NEK11: variants seen among roughly 807,000 people sequenced by gnomAD.
NEK11 encodes the protein serine/threonine-protein kinase Nek11.
In NEK11, 72 loss-of-function variants were observed where a neutral mutation model predicts 80.7. The ratio of observed to expected loss-of-function variants is 0.89; its 90% confidence interval spans 0.74 to 1.08. The LOEUF (loss-of-function observed/expected upper bound fraction) is 1.08, where lower values mean the gene tolerates loss of function less well. Ranked by LOEUF, NEK11 falls within the 50% of genes least tolerant of loss-of-function variation. The pLI is 0.00. For missense variants in NEK11, 764 were observed against 763.6 expected (o/e 1.00, Z -0.01); for synonymous variants, 251 against 260.7 (o/e 0.96, Z 0.36).
At chr3:131,210,855 G>A (rs1011543404) in intron 14 of NEK11, among the ~76,000 whole-genome samples, 4 of 151,940 alleles carry the variant, frequency 2.6e-5, no homozygotes, top group Non-Finnish European at 4.4e-5. Flanking sequence ...TTTATTTTGA[G>A]CCTATGTGTG....
chr3:131,157,984 G>T (rs929538665), intron 10 of NEK11, among the ~76,000 whole-genome samples: 1 of 152,088 alleles, frequency 6.6e-6, no homozygotes, highest in African/African-American at 2.4e-5. Flanking sequence ...TGGCCAGGGA[G>T]ACCATCCCCC....
At chr3:131,159,528 G>C (rs1452944815) in intron 10 of NEK11, among the ~76,000 whole-genome samples, 1 of 152,214 alleles carries the variant, frequency 6.6e-6, no homozygotes, top group African/African-American at 2.4e-5. Context: ...CACTTTGGGA[G>C]GCTGAGGTGG....
rs2092478391 is a variant in NEK11 at position 131,168,947 on chromosome 3, A to G, written c.1284+10A>G. On this transcript the variant is annotated intron_variant, in intron 13 of 17. Transcript: ENST00000383366. ...GCAAGGCAGGGAAGAGGCAAGTTTA[A>G]TCATATTCACAAGCACAAAAGTGAG... 5 of 1,604,658 alleles carry G rather than the reference A, an allele frequency of 3.1e-6. No individual in the cohort carries two copies. Among genetic ancestry groups the G allele is most frequent in the East Asian group, 2.2e-5 (1 of 44,810 alleles).
At chr3:131,080,119 A>G (rs1375644588) in intron 3 of NEK11, among the ~76,000 whole-genome samples, 1 of 151,938 alleles carries the variant, frequency 6.6e-6, no homozygotes, top group Non-Finnish European at 1.5e-5. Context: ...AAGAGAAACC[A>G]AGAGACACTG....
At chr3:131,044,448 G>GT (rs1218186415) in intron 3 of NEK11, among the ~76,000 whole-genome samples, 27 of 31,472 alleles carry the variant, frequency 8.6e-4, no homozygotes, top group Middle Eastern at 0.036. Flanking sequence ...AAAAAAGGTG[G>GT]GGGGGGGGGT....
intron 16 of NEK11, among the ~76,000 whole-genome samples, chr3:131,266,058 A>G (rs965262548): frequency 2.0e-5 from 3 of 152,096 alleles, no homozygotes; most frequent in Non-Finnish European, 4.4e-5. Flanking sequence ...ATCAGTGGTG[A>G]TATCCCCTTT....
At chr3:131,052,316 T>G (rs2068572007) in intron 3 of NEK11, among the ~76,000 whole-genome samples, 2 of 152,134 alleles carry the variant, frequency 1.3e-5, no homozygotes, top group Non-Finnish European at 1.5e-5. Context: ...ATATTAAATC[T>G]TTTCTTATTA....
chr3:131,050,496 A>T (rs118051928), intron 3 of NEK11, among the ~76,000 whole-genome samples: 4 of 152,238 alleles, frequency 2.6e-5, no homozygotes, highest in African/African-American at 9.6e-5. Flanking sequence ...GGAGACTTTT[A>T]TGACACCGTT....
chr3:131,059,146 G>A (rs556591329), intron 3 of NEK11, among the ~76,000 whole-genome samples: 106 of 152,242 alleles, frequency 7.0e-4, no homozygotes, highest in African/African-American at 2.4e-3. Context: ...CAGTCTTCTT[G>A]GTTCCCCTGA....
Position 131,055,170 on chromosome 3 carries a change from C to T in NEK11, c.171-25253C>T, listed in dbSNP as rs139844470. Among the ~76,000 whole-genome samples, 500 of 152,250 alleles carry T rather than the reference C, an allele frequency of 3.3e-3. 1 individual carries two copies. Among genetic ancestry groups the T allele is most frequent in the African/African-American group, 0.011 (475 of 41,534 alleles). On this transcript the variant is annotated intron_variant, in intron 3 of 17. Coordinates refer to ENST00000383366, the MANE Select transcript of NEK11 (RefSeq NM_024800.5). Reference sequence around the variant, plus strand: ...CAGGTCCTGCAGTAAAAAATAGAGACGCGGTTTATATCAGCCAAGTGCTTA... The same window carrying T: ...CAGGTCCTGCAGTAAAAAATAGAGATGCGGTTTATATCAGCCAAGTGCTTA...
intron 16 of NEK11, among the ~76,000 whole-genome samples, chr3:131,244,769 T>A (rs78405567): frequency 0.018 from 2,784 of 152,078 alleles, 41 homozygotes; most frequent in East Asian, 0.083. Flanking sequence ...CCAAATTTTT[T>A]AAAATTCAGC....
At chr3:131,244,098 TA>T (rs1455547655) in intron 16 of NEK11, among the ~76,000 whole-genome samples, 1 of 151,930 alleles carries the variant, frequency 6.6e-6, no homozygotes, top group Non-Finnish European at 1.5e-5. Flanking sequence ...AGGGCTGAGA[TA>T]TTTTTTTCTT....
intron 3 of NEK11, among the ~76,000 whole-genome samples, chr3:131,060,181 T>C (rs1017206747): frequency 1.3e-5 from 2 of 152,178 alleles, no homozygotes; most frequent in Non-Finnish European, 2.9e-5. Flanking sequence ...ATGTATGACA[T>C]AGTTCAGTAG....
intron 14 of NEK11, among the ~76,000 whole-genome samples, chr3:131,185,692 C>G (rs1458666991): frequency 1.3e-5 from 2 of 152,146 alleles, no homozygotes; most frequent in South Asian, 2.1e-4. Flanking sequence ...ATTCCATATG[C>G]TTGAGATGGT....
intron 3 of NEK11, among the ~76,000 whole-genome samples, chr3:131,033,022 C>T (rs534161964): frequency 6.6e-6 from 1 of 152,254 alleles, no homozygotes; most frequent in South Asian, 2.1e-4. Context: ...ATTTAAAAAA[C>T]TTATTCAAGA....
At chr3:131,188,584 A>G (rs1337147122) in intron 14 of NEK11, among the ~76,000 whole-genome samples, 1 of 152,138 alleles carries the variant, frequency 6.6e-6, no homozygotes, top group Non-Finnish European at 1.5e-5. Context: ...TGTAAGTACC[A>G]TTATATCCTT....
intron 7 of NEK11, among the ~76,000 whole-genome samples, chr3:131,145,699 G>C (rs901655999): frequency 6.6e-6 from 1 of 152,128 alleles, no homozygotes; most frequent in African/African-American, 2.4e-5. Context: ...TCCAGAGGCA[G>C]GATAGCATAG....
At chr3:131,085,336 G>A (rs1472387118) in intron 4 of NEK11, among the ~76,000 whole-genome samples, 1 of 152,158 alleles carries the variant, frequency 6.6e-6, no homozygotes, top group Admixed American at 6.5e-5. Context: ...CTTTCCAAAA[G>A]CCATTACTGA....
chr3:131,067,593 T>C (rs528151561), intron 3 of NEK11, among the ~76,000 whole-genome samples: 1 of 152,344 alleles, frequency 6.6e-6, no homozygotes, highest in Admixed American at 6.5e-5. Context: ...AAGTTTGGAA[T>C]TAAATTTGAA....
Sources: allele counts gnomAD v4.1 joint callset (sites outside exome capture counted in the v4.1 genomes callset), GRCh38; gene constraint gnomAD v4.1.1; transcripts MANE v1.5; gene names NCBI Gene and HGNC (gene_info 2026-07-23, HGNC 2026-07-21).